CETP: variants seen among roughly 807,000 people sequenced by gnomAD.
CETP encodes BPI fold containing family F.
Under a neutral mutation model 66.5 loss-of-function variants are expected in CETP, and 56 were observed. That is an observed-to-expected ratio of 0.84 (90% CI 0.68 to 1.05). The LOEUF (loss-of-function observed/expected upper bound fraction) is 1.05. Ranked by LOEUF, CETP falls within the 50% of genes least tolerant of loss-of-function variation. The pLI is 0.00. For synonymous variants in CETP, 251 were observed against 245.7 expected, an observed-to-expected ratio of 1.02 and a Z score of -0.20; for missense variants, 612 against 609.6, an observed-to-expected ratio of 1.00 and a Z score of -0.04.
Position 56,962,086 on chromosome 16 carries a change from C to A in CETP, c.107C>A (p.Ala36Asp). ...AGIVCRITKPALLVLNHETAK... is the reference protein window; with the variant it reads ...AGIVCRITKPDLLVLNHETAK... ...ATCGTGTGCCGCATCACCAAGCCTG[C>A]CCTCCTGGTGTGTAAGTATCAGTGC... The change falls in exon 1 of 16, where the codon GCC becomes GAC. Residue 36 changes from alanine to aspartate, a missense_variant. By Grantham distance (126) the Ala-to-Asp change is moderately radical. Coordinates refer to ENST00000200676, the MANE Select transcript of CETP (RefSeq NM_000078.3). 6.2e-7 allele frequency: 1 copy of A among 1,613,480 alleles called. No homozygotes were observed. The highest frequency in any genetic ancestry group is 8.5e-7 in the Non-Finnish European group (1 of 1,179,510).
At chr16:56,965,158 G>C (rs534782454) in intron 2 of CETP, among the ~76,000 whole-genome samples, 7 of 152,180 alleles carry the variant, frequency 4.6e-5, no homozygotes, top group African/African-American at 1.4e-4. Context: ...TGGCAAAAGC[G>C]TTGAGAAGTT....
chr16:56,982,409 G>A (rs1043462801), intron 14 of CETP, among the ~76,000 whole-genome samples, 172 bp downstream of exon 14: 10 of 152,112 alleles, frequency 6.6e-5, no homozygotes, highest in African/African-American at 1.2e-4. Flanking sequence ...CCAATGACTC[G>A]GCCAGATGCC....
Position 56,971,986 on chromosome 16 carries a change from C to T in CETP, c.659-6C>T, listed in dbSNP as rs977713310. 64 of 1,613,760 alleles carry T rather than the reference C, an allele frequency of 4.0e-5. No individual in the cohort carries two copies. Among genetic ancestry groups the T allele is most frequent in the Non-Finnish European group, 4.8e-5 (57 of 1,179,782 alleles). ...GAGGCCCTGCGTTGATCTTTTCCTCCTGCAGCCAGCATCCTTTCAGATGGA... is the reference window on the plus strand; with the variant it reads ...GAGGCCCTGCGTTGATCTTTTCCTCTTGCAGCCAGCATCCTTTCAGATGGA... On this transcript the variant is annotated splice_region_variant and splice_polypyrimidine_tract_variant and intron_variant, in intron 7 of 15. Transcript: ENST00000200676.
At chr16:56,966,242 G>C (rs1476670656) in intron 2 of CETP, among the ~76,000 whole-genome samples, 2 of 152,204 alleles carry the variant, frequency 1.3e-5, no homozygotes, top group Non-Finnish European at 2.9e-5. Context: ...GCTTTCTGCA[G>C]CTTCTAGAGG....
At chr16:56,964,655 T>C (rs1288104479) in intron 2 of CETP, among the ~76,000 whole-genome samples, 2 of 152,174 alleles carry the variant, frequency 1.3e-5, no homozygotes, top group Non-Finnish European at 2.9e-5. Flanking sequence ...TGGTCTCTGC[T>C]ACCCGCGCAC....
intron 10 of CETP, among the ~76,000 whole-genome samples, chr16:56,977,199 C>T (rs147926540): frequency 6.6e-6 from 1 of 152,288 alleles, no homozygotes; most frequent in East Asian, 1.9e-4. Flanking sequence ...GTGTGAGCTC[C>T]CGCACCCCGC....
chr16:56,970,965 T>C (rs1364650092), intron 5 of CETP, 68 bp from the exon 6 acceptor site: 3 of 1,455,846 alleles, frequency 2.1e-6, no homozygotes, highest in Non-Finnish European at 2.9e-6. Flanking sequence ...CGGTGCCTGG[T>C]ACACACTAGG....
In CETP at chr16:56,983,630, G is replaced by T; in HGVS notation, c.1446G>T (p.Glu482Asp). Residue 482 changes from glutamate to aspartate, a missense_variant, in exon 16 of 16, where the codon GAG becomes GAT. Glu to Asp is a conservative substitution (Grantham distance 45). Transcript: ENST00000200676. ...LLLQMDFGFP[E>D]HLLVDFLQSL... ...TGCAGATGGACTTTGGCTTCCCTGA[G>T]CACCTGCTGGTGGATTTCCTCCAGA... 1.2e-6 allele frequency: 2 copies of T among 1,614,182 alleles called. No individual in the cohort carries two copies. Among genetic ancestry groups the T allele is most frequent in the Non-Finnish European group, 1.7e-6 (2 of 1,180,032 alleles).
In CETP at chr16:56,973,599, C is replaced by T. The variant is rs138281147; in HGVS notation, c.930+89C>T. 7.9e-5 allele frequency: 117 copies of T among 1,474,834 alleles called. No individual in the cohort carries two copies. In the Middle Eastern group the frequency reaches 1.1e-3, roughly 14 times the overall value. The allele number at this position is 1,474,834 out of a possible 1,614,324, so 91.4% of individuals were successfully genotyped here. On this transcript the variant is annotated intron_variant, in intron 9 of 15. Transcript: ENST00000200676. ...ACGCATGGGGAGGAGGGAGGAAACT[C>T]GGAAACTTGGTGGTGGGCAAAAGAA...
In CETP at chr16:56,978,025, G is replaced by A. The variant is rs532590382; in HGVS notation, c.982-66G>A. ...AGCCAGCTTTGTCCTTCCCATCTCC[G>A]AGGGCATGGACTGCTGCTGCCCTGA... On this transcript the variant is annotated intron_variant, in intron 10 of 15. Transcript: ENST00000200676. 191 of 1,581,134 alleles carry A rather than the reference G, an allele frequency of 1.2e-4. 1 individual carries two copies. Among genetic ancestry groups the A allele is most frequent in the South Asian group, 1.6e-4 (14 of 87,906 alleles).
intron 1 of CETP, 24 bp from the exon 2 acceptor site, chr16:56,962,986 C>T (rs1178753370): frequency 1.2e-6 from 2 of 1,606,410 alleles, no homozygotes; most frequent in Non-Finnish European, 1.7e-6. Flanking sequence ...CCTGCAGCCC[C>T]TCATCCACTG....
At chr16:56,978,309 C>T in intron 11 of CETP, 54 bp downstream of exon 11, 6 of 1,609,020 alleles carry the variant, frequency 3.7e-6, no homozygotes, top group Non-Finnish European at 5.1e-6. Flanking sequence ...CACATATGGG[C>T]CGCAGAGGGC....
At chr16:56,979,649 G>A (rs1156624359) in intron 11 of CETP, among the ~76,000 whole-genome samples, 4 of 152,002 alleles carry the variant, frequency 2.6e-5, no homozygotes, top group Non-Finnish European at 2.9e-5. Flanking sequence ...TAGCTAGCTG[G>A]CACTACAGGC....
rs1356314473 is a variant in CETP at position 56,972,190 on chromosome 16, G to C, written c.750+107G>C. On this transcript the variant is annotated intron_variant, in intron 8 of 15. Coordinates refer to ENST00000200676, the MANE Select transcript of CETP (RefSeq NM_000078.3). ...CCAGCTTCAACCTTATGGCAGCCAA[G>C]AGTCCTGGGGCGCTCCTCCTCATTC... The C allele has an allele frequency of 6.3e-6, 5 of 795,480 alleles. No individual in the cohort carries two copies. The African/African-American group carries it at 8.5e-5, about 13-fold the overall frequency. 49.3% of individuals were successfully genotyped at this position (795,480 alleles called of 1,614,324 possible). A position where few individuals can be genotyped will look rare whatever the true frequency, so the allele number is the denominator to read the frequency against.
chr16:56,963,989 A>ATTTT lies in CETP; in HGVS notation c.233+866_233+869dup, dbSNP rs1373005791. Among the ~76,000 whole-genome samples the ATTTT allele has an allele frequency of 1.2e-3, 164 of 137,368 alleles. 2 individuals carry two copies. Among genetic ancestry groups the ATTTT allele is most frequent in the African/African-American group, 3.5e-3 (129 of 37,140 alleles). 90.1% of individuals were successfully genotyped at this position (137,368 alleles called of 152,430 possible). A position where few individuals can be genotyped will look rare whatever the true frequency, so the allele number is the denominator to read the frequency against. ...TGGCCCTTTATCTATCTTAATCTTT[A>ATTTT]TTTTATTTATTTATTTATTTATTTA... On this transcript the variant is annotated intron_variant, in intron 2 of 15. Coordinates refer to ENST00000200676, the MANE Select transcript of CETP (RefSeq NM_000078.3).
intron 2 of CETP, among the ~76,000 whole-genome samples, chr16:56,968,638 C>T (rs925834769): frequency 5.3e-5 from 8 of 151,674 alleles, no homozygotes; most frequent in African/African-American, 9.7e-5. Flanking sequence ...TACAATTGTT[C>T]GTAGTATTCT....
rs752826158 is a variant in CETP, at chr16:56,975,100, G to A, written c.931-1G>A. 1.9e-6 allele frequency: 3 copies of A among 1,613,922 alleles called. No homozygotes were observed. The African/African-American group carries it at 4.0e-5, about 22-fold the overall frequency. The stretch of plus-strand genomic sequence containing the variant: ...CCTCCAACTTCCTCATTTCTTTTCA[G>A]GCAGTGCTGGAGACCTGGGGCTTCA... On this transcript the variant is annotated splice_acceptor_variant, in intron 9 of 15. Transcript: ENST00000200676. LOFTEE classifies it high-confidence loss of function.
intron 10 of CETP, among the ~76,000 whole-genome samples, chr16:56,976,345 C>T (rs2056149894): frequency 6.6e-6 from 1 of 152,186 alleles, no homozygotes; most frequent in African/African-American, 2.4e-5. Flanking sequence ...CCCATGGCCT[C>T]CAGGGCCCTG....
At chr16:56,975,826 C>G (rs967240199) in intron 10 of CETP, among the ~76,000 whole-genome samples, 1 of 152,136 alleles carries the variant, frequency 6.6e-6, no homozygotes, top group Non-Finnish European at 1.5e-5. Flanking sequence ...TTCCACTTCC[C>G]TCTCCACACA....
Sources: allele counts gnomAD v4.1 joint callset (sites outside exome capture counted in the v4.1 genomes callset), GRCh38; gene constraint gnomAD v4.1.1; transcripts MANE v1.5; gene names NCBI Gene and HGNC (gene_info 2026-07-23, HGNC 2026-07-21).